The following F13A1 variants were observed in gnomAD, a reference collection of about 807,000 sequenced individuals.
F13A1 encodes the protein FSF, A subunit.
Under a neutral mutation model 80.1 loss-of-function variants are expected in F13A1, and 47 were observed. That is an observed-to-expected ratio of 0.59 (90% confidence interval 0.46 to 0.75). The LOEUF (loss-of-function observed/expected upper bound fraction) is 0.75. F13A1 is among the 30% of genes least tolerant of loss of function. The pLI is 0.00. For synonymous variants in F13A1, 349 were observed against 344.9 expected, an observed-to-expected ratio of 1.01 and a Z score of -0.13; for missense variants, 817 against 930.4, an observed-to-expected ratio of 0.88 and a Z score of 1.59.
intron 3 of F13A1, among the ~76,000 whole-genome samples, chr6:6,281,716 G>A (rs886902487): frequency 2.6e-5 from 4 of 152,040 alleles, no homozygotes; most frequent in South Asian, 2.1e-4. Flanking sequence ...GAGGACGGCC[G>A]GGCTTGGTGG....
chr6:6,298,025 C>A (rs910858809), intron 3 of F13A1, among the ~76,000 whole-genome samples: 5 of 151,102 alleles, frequency 3.3e-5, no homozygotes, highest in African/African-American at 9.9e-5. Context: ...CATTCAGGGG[C>A]AAGTTGTTCA....
chr6:6,192,868 TTAATGAGAAGTTAGGACAG>T (rs1182458748), intron 10 of F13A1, among the ~76,000 whole-genome samples: 1 of 151,844 alleles, frequency 6.6e-6, no homozygotes, highest in Non-Finnish European at 1.5e-5. Flanking sequence ...GGCAGCAGAG[TTAATGAGAAGTTAGGACAG>T]AAGAGAGTTA....
rs3024348 is a variant in F13A1, at chr6:6,302,703, T to TAA, written c.319+2646_319+2647dup. On this transcript the variant is annotated intron_variant, in intron 3 of 14. Coordinates refer to ENST00000264870, the MANE Select transcript of F13A1 (RefSeq NM_000129.4). Reference sequence around the variant, plus strand: ...CTATAAACTTAGGCTACAGTACATTTAAAAAAATAAGTAATCTCACTATTC... The same window carrying TAA: ...CTATAAACTTAGGCTACAGTACATTTAAAAAAAAATAAGTAATCTCACTATTC... Among the ~76,000 whole-genome samples, 214 of 151,868 alleles carry TAA rather than the reference T, an allele frequency of 1.4e-3. 2 individuals carry two copies. The highest frequency in any genetic ancestry group is 5.0e-3 in the African/African-American group (208 of 41,336).
chr6:6,151,791 G>T (rs765910405), intron 14 of F13A1, 22 bp downstream of exon 14: 1 of 1,613,918 alleles, frequency 6.2e-7, no homozygotes, highest in Non-Finnish European at 8.5e-7. Context: ...TGCCTGCCCG[G>T]TCTCCCCAAC....
chr6:6,213,383 T>A (rs1359372931), intron 8 of F13A1, among the ~76,000 whole-genome samples: 1 of 152,054 alleles, frequency 6.6e-6, no homozygotes, highest in African/African-American at 2.4e-5. Flanking sequence ...TTCAACATTC[T>A]TAAAGAAAGA....
At chr6:6,256,060 T>G (rs1273281002) in intron 4 of F13A1, among the ~76,000 whole-genome samples, 1 of 152,166 alleles carries the variant, frequency 6.6e-6, no homozygotes, top group African/African-American at 2.4e-5. Context: ...GTGTTTTCGT[T>G]TGTTTTTAAA....
At chr6:6,191,543 GGT>G in intron 10 of F13A1, among the ~76,000 whole-genome samples, 2 of 152,272 alleles carry the variant, frequency 1.3e-5, no homozygotes, top group South Asian at 4.1e-4. Flanking sequence ...TCTCAGTAAA[GGT>G]GGGGTGGAAA....
intron 3 of F13A1, among the ~76,000 whole-genome samples, chr6:6,278,918 G>A (rs1034524149): frequency 6.6e-6 from 1 of 152,072 alleles, no homozygotes; most frequent in African/African-American, 2.4e-5. Context: ...GAAGACTGCA[G>A]GAGAGCAATC....
At chr6:6,296,827 T>A (rs1246163391) in intron 3 of F13A1, among the ~76,000 whole-genome samples, 1 of 147,988 alleles carries the variant, frequency 6.8e-6, no homozygotes, top group Non-Finnish European at 1.5e-5. Context: ...CTTGTGCCAG[T>A]TTTCAAAGGG....
chr6:6,251,234 G>A (rs997592159), intron 4 of F13A1, among the ~76,000 whole-genome samples: 6 of 152,208 alleles, frequency 3.9e-5, no homozygotes, highest in African/African-American at 7.2e-5. Flanking sequence ...TGATTCTGTT[G>A]CATCAGTAGT....
Position 6,250,915 on chromosome 6 carries a change from G to A in F13A1, c.586C>T (p.Leu196=). 1 of 1,610,002 alleles carries A rather than the reference G, an allele frequency of 6.2e-7. No homozygotes were observed. Among genetic ancestry groups the A allele is most frequent in the Non-Finnish European group, 8.5e-7 (1 of 1,176,752 alleles). ...TCTTCTCTTTCTTTCTCATTGTCCA[G>A]ATACACAGCATCATCTGCATCAGGG... ...NPWCEDDAVY[L]DNEKEREEYV... is the part of the protein sequence containing the mutation. The change falls in exon 5 of 15, where the codon CTG becomes TTG. Residue 196 remains leucine (L), a synonymous_variant. Transcript: ENST00000264870. This position sits in a 1 kb window ranked among gnomAD's most constrained non-coding sequence, Gnocchi z 4.2.
Position 6,303,101 on chromosome 6 carries a change from A to T in F13A1, c.319+2250T>A, listed in dbSNP as rs548424924. 2.6e-5 allele frequency among the ~76,000 whole-genome samples: 4 copies of T among 152,346 alleles called. No homozygotes were observed. In the East Asian group the frequency reaches 7.7e-4, roughly 29 times the overall value. ...TATGGTCTTCTTACTTCATGAAACC[A>T]ACAATCATATTAACTCATATACTGA... On this transcript the variant is annotated intron_variant, in intron 3 of 14. Coordinates refer to ENST00000264870, the MANE Select transcript of F13A1 (RefSeq NM_000129.4).
intron 8 of F13A1, among the ~76,000 whole-genome samples, chr6:6,206,939 C>T (rs756284176): frequency 6.6e-6 from 1 of 151,276 alleles, no homozygotes; most frequent in African/African-American, 2.4e-5. Flanking sequence ...AGAGTGGGCT[C>T]TGGGAAACAC....
chr6:6,261,584 T>C, intron 4 of F13A1, among the ~76,000 whole-genome samples: 2 of 83,596 alleles, frequency 2.4e-5, no homozygotes, highest in Non-Finnish European at 5.9e-5. Context: ...GAACAAGCCC[T>C]CCAGGTGATT....
chr6:6,303,821 A>G (rs1758471384), intron 3 of F13A1, among the ~76,000 whole-genome samples: 1 of 152,106 alleles, frequency 6.6e-6, no homozygotes, highest in African/African-American at 2.4e-5. Context: ...TACATTTTAT[A>G]GTTTTGGTCA....
At chr6:6,175,886 T>G (rs1760874758) in intron 11 of F13A1, among the ~76,000 whole-genome samples, 1 of 152,168 alleles carries the variant, frequency 6.6e-6, no homozygotes, top group Admixed American at 6.5e-5. Context: ...AAAACATAGC[T>G]TTGTCTAAGT....
intron 10 of F13A1, among the ~76,000 whole-genome samples, chr6:6,185,352 C>T (rs1265853398): frequency 2.9e-5 from 4 of 139,026 alleles, no homozygotes; most frequent in Non-Finnish European, 6.1e-5. Context: ...TCTCATTGTT[C>T]AATTCCCACC....
intron 8 of F13A1, among the ~76,000 whole-genome samples, chr6:6,202,294 TTATC>T (rs1761409391): frequency 6.6e-6 from 1 of 152,234 alleles, no homozygotes; most frequent in Non-Finnish European, 1.5e-5. Context: ...TAAAGCTTCT[TTATC>T]TAGATCCATA....
At position 6,243,194 on chromosome 6, in the gene F13A1, CACCATCACTCCT is replaced by C. The variant is rs1205761646; in HGVS notation, c.798+5106_798+5117del. Among the ~76,000 whole-genome samples the C allele has an allele frequency of 2.0e-5, 3 of 151,706 alleles. No homozygotes were observed. Among genetic ancestry groups the C allele is most frequent in the Non-Finnish European group, 4.4e-5 (3 of 67,916 alleles). On this transcript the variant is annotated intron_variant, in intron 6 of 14. Coordinates refer to ENST00000264870, the MANE Select transcript of F13A1 (RefSeq NM_000129.4). The surrounding 1 kb of genome is among the most constrained non-coding windows in gnomAD (Gnocchi z 4.2). The stretch of plus-strand genomic sequence containing the variant: ...CCACCACTACCACCATCACTCCCAC[CACCATCACTCCT>C]ACCATCACCACCACCATCACCGTCA...
Sources: gnomAD v4.1 joint callset for allele counts (sites outside exome capture counted in the v4.1 genomes callset) on GRCh38, gnomAD v4.1.1 for gene constraint, Gnocchi (gnomAD v3.1) non-coding constraint, MANE v1.5 for transcripts, NCBI Gene and HGNC (gene_info 2026-07-23, HGNC 2026-07-21) for gene names.